The following SLCO3A1 variants were observed in gnomAD, a reference collection of about 807,000 sequenced individuals.
The protein encoded by SLCO3A1 is solute carrier organic anion transporter family member 3A1, also known as PGE1 transporter.
Under a neutral mutation model 63.1 loss-of-function variants are expected in SLCO3A1, and 27 were observed. The observed-to-expected ratio is 0.43, with a 90% CI of 0.32 to 0.59. The LOEUF (loss-of-function observed/expected upper bound fraction) is 0.59. SLCO3A1 is among the 20% of genes least tolerant of loss of function. The probability of loss-of-function intolerance (pLI) is 0.09; values close to 1 mark genes in which losing one functional copy is unlikely to be tolerated. For missense variants in SLCO3A1, 773 were observed against 945.8 expected, an observed-to-expected ratio of 0.82 and a Z score of 2.40; for synonymous variants, 473 against 409.9, an observed-to-expected ratio of 1.15 and a Z score of -1.86.
chr15:91,947,539 G>A (rs1427094625), intron 2 of SLCO3A1, among the ~76,000 whole-genome samples: 1 of 152,194 alleles, frequency 6.6e-6, no homozygotes, highest in Non-Finnish European at 1.5e-5. Flanking sequence ...TAGGTCTTGA[G>A]ATGATGACAC....
At chr15:92,115,899 T>A (rs918231517) in intron 4 of SLCO3A1, among the ~76,000 whole-genome samples, 2 of 150,748 alleles carry the variant, frequency 1.3e-5, no homozygotes, top group Non-Finnish European at 1.5e-5. Context: ...GCAGAAATTT[T>A]TTATTATTAT....
chr15:92,170,198 TA>T, downstream of SLCO3A1, among the ~76,000 whole-genome samples: 1 of 152,266 alleles, frequency 6.6e-6, no homozygotes, highest in Middle Eastern at 3.4e-3. Context: ...TTTGATTTTA[TA>T]ATCTAAGGCC....
At chr15:92,112,948 A>C (rs565057945) in intron 4 of SLCO3A1, among the ~76,000 whole-genome samples, 75 of 152,322 alleles carry the variant, frequency 4.9e-4, no homozygotes, top group Non-Finnish European at 1.0e-3. Flanking sequence ...AGTTTTCATG[A>C]ATGCCAAATG....
At chr15:91,931,584 T>C (rs370060887) in intron 2 of SLCO3A1, among the ~76,000 whole-genome samples, 12 of 151,904 alleles carry the variant, frequency 7.9e-5, no homozygotes, top group African/African-American at 2.9e-4. Context: ...AGTTCCCCTG[T>C]CTCAGACTCC....
intron 2 of SLCO3A1, among the ~76,000 whole-genome samples, chr15:91,929,810 T>C (rs1247831329): frequency 6.6e-6 from 1 of 152,210 alleles, no homozygotes; most frequent in Non-Finnish European, 1.5e-5. Flanking sequence ...TGTGACTGGT[T>C]TATTTCACGT....
At chr15:92,015,107 T>C (rs1049553448) in intron 2 of SLCO3A1, among the ~76,000 whole-genome samples, 1 of 152,114 alleles carries the variant, frequency 6.6e-6, no homozygotes, top group Non-Finnish European at 1.5e-5. Context: ...GAGAGCTCTT[T>C]GGAGTGATGT....
At chr15:92,015,682 A>T (rs1300128702) in intron 2 of SLCO3A1, among the ~76,000 whole-genome samples, 1 of 152,116 alleles carries the variant, frequency 6.6e-6, no homozygotes. Context: ...TACACATGGC[A>T]GTGAGCGTGG....
chr15:92,107,048 C>T (rs1028138838), intron 4 of SLCO3A1, among the ~76,000 whole-genome samples: 1 of 152,162 alleles, frequency 6.6e-6, no homozygotes, highest in African/African-American at 2.4e-5. Context: ...AAGCTCAGAG[C>T]AATGACAAGG....
rs138518936 is a variant in SLCO3A1 at position 92,140,728 on chromosome 15, A to G, written c.1513-6256A>G. Among the ~76,000 whole-genome samples, 88 of 152,280 alleles carry G rather than the reference A, an allele frequency of 5.8e-4. No individual in the cohort carries two copies. In the East Asian group the frequency reaches 0.015, roughly 27 times the overall value. ...TTGTTGAATTGATCCCTTTACCATT[A>G]TGTAATGGCCTTCTTTGTCTCTTTT... is the stretch of plus-strand genomic sequence containing the variant. On this transcript the variant is annotated intron_variant, in intron 7 of 9. Coordinates refer to ENST00000318445, the MANE Select transcript of SLCO3A1 (RefSeq NM_013272.4).
chr15:92,058,528 T>C (rs1328954031), intron 2 of SLCO3A1, among the ~76,000 whole-genome samples: 1 of 152,088 alleles, frequency 6.6e-6, no homozygotes, highest in Non-Finnish European at 1.5e-5. Flanking sequence ...TGACCCCACC[T>C]GCTATCCCAT....
At chr15:92,168,657 G>A (rs1034274456), downstream of SLCO3A1, among the ~76,000 whole-genome samples, 1 of 152,126 alleles carries the variant, frequency 6.6e-6, no homozygotes, top group African/African-American at 2.4e-5. Context: ...CATGGGCCAG[G>A]GCATACATAG....
chr15:92,126,825 G>A (rs548917928), intron 6 of SLCO3A1, among the ~76,000 whole-genome samples: 1 of 152,288 alleles, frequency 6.6e-6, no homozygotes, highest in Non-Finnish European at 1.5e-5. Flanking sequence ...TGCCCTTAGA[G>A]GGAATTATGG....
intron 2 of SLCO3A1, among the ~76,000 whole-genome samples, chr15:92,006,424 A>C (rs1404032969): frequency 6.6e-6 from 1 of 152,202 alleles, no homozygotes; most frequent in Non-Finnish European, 1.5e-5. Flanking sequence ...GTTCAAGAGC[A>C]CAGGTGCTTT....
At chr15:92,087,811 G>A (rs549371168) in intron 2 of SLCO3A1, among the ~76,000 whole-genome samples, 1 of 152,208 alleles carries the variant, frequency 6.6e-6, no homozygotes, top group African/African-American at 2.4e-5. Context: ...GAGCCACCAC[G>A]CCCAGCCCCA....
At chr15:91,867,159 T>A (rs1255659866) in intron 1 of SLCO3A1, among the ~76,000 whole-genome samples, 1 of 152,222 alleles carries the variant, frequency 6.6e-6, no homozygotes, top group Non-Finnish European at 1.5e-5. Flanking sequence ...TCGGCCAAGC[T>A]TGGATCCCTC....
chr15:91,975,657 A>G (rs1226832628), intron 2 of SLCO3A1, among the ~76,000 whole-genome samples: 5 of 152,164 alleles, frequency 3.3e-5, no homozygotes, highest in African/African-American at 4.8e-5. Context: ...TCCAGGTACA[A>G]CCTTCCTCTC....
chr15:91,905,547 G>T (rs1251383983), intron 1 of SLCO3A1, among the ~76,000 whole-genome samples: 1 of 150,420 alleles, frequency 6.6e-6, no homozygotes, highest in Non-Finnish European at 1.5e-5. Flanking sequence ...GGATATTTTG[G>T]ATCCATGGTC....
At chr15:92,013,708 C>A (rs912772683) in intron 2 of SLCO3A1, among the ~76,000 whole-genome samples, 1 of 152,210 alleles carries the variant, frequency 6.6e-6, no homozygotes, top group Non-Finnish European at 1.5e-5. Context: ...GTCATAAAAT[C>A]ATGGCATCTA....
At chr15:92,161,195 G>C (rs1347541490) in intron 9 of SLCO3A1, among the ~76,000 whole-genome samples, 1 of 152,170 alleles carries the variant, frequency 6.6e-6, no homozygotes, top group African/African-American at 2.4e-5. Flanking sequence ...CTGGCCTCAA[G>C]GGGACAGTTT....
Sources: gnomAD v4.1 joint callset for allele counts (sites outside exome capture counted in the v4.1 genomes callset) on GRCh38, gnomAD v4.1.1 for gene constraint, MANE v1.5 for transcripts, NCBI Gene and HGNC (gene_info 2026-07-23, HGNC 2026-07-21) for gene names.